The following MCM9 variants were observed in gnomAD, a reference collection of about 807,000 sequenced individuals.
MCM9 encodes minichromosome maintenance 9 homologous recombination repair factor, also known as DNA helicase MCM9.
Under a neutral mutation model 72.8 loss-of-function variants are expected in MCM9, and 55 were observed. That is an observed-to-expected ratio of 0.76 (90% CI 0.61 to 0.95). The LOEUF (loss-of-function observed/expected upper bound fraction) is 0.95. MCM9 is among the 40% of genes least tolerant of loss of function. The pLI, the probability that MCM9 is intolerant of heterozygous loss-of-function variation, is 0.00. For missense variants in MCM9, 1,279 were observed against 1,377.0 expected, an observed-to-expected ratio of 0.93 and a Z score of 1.13; for synonymous variants, 480 against 503.4, an observed-to-expected ratio of 0.95 and a Z score of 0.62.
chr6:118,894,585 G>C (rs1042490786), intron 8 of MCM9: 32 of 1,380,048 alleles, frequency 2.3e-5, no homozygotes, highest in Admixed American at 5.9e-5. Flanking sequence ...AAAGTTTCCC[G>C]GGCCGGGCCT....
chr6:118,874,098 T>C (rs1777785873), intron 8 of MCM9, among the ~76,000 whole-genome samples: 1 of 151,732 alleles, frequency 6.6e-6, no homozygotes, highest in Non-Finnish European at 1.5e-5. Context: ...CTACAAAAAA[T>C]ACAAAAATTA....
chr6:118,843,438 C>A (rs893767579), intron 9 of MCM9, among the ~76,000 whole-genome samples: 1 of 150,794 alleles, frequency 6.6e-6, no homozygotes, highest in Non-Finnish European at 1.5e-5. Flanking sequence ...AGACCAGCCT[C>A]ACCAACATGG....
At chr6:118,897,968 G>A (rs912443531) in intron 8 of MCM9, among the ~76,000 whole-genome samples, 12 of 152,158 alleles carry the variant, frequency 7.9e-5, no homozygotes, top group African/African-American at 2.9e-4. Context: ...TCTTGTTAAG[G>A]CTAGATTCTC....
At chr6:118,817,733 G>A (rs1335934155) in intron 13 of MCM9, among the ~76,000 whole-genome samples, 1 of 152,156 alleles carries the variant, frequency 6.6e-6, no homozygotes, top group Non-Finnish European at 1.5e-5. Flanking sequence ...CACAATGGCT[G>A]AACTAATTTA....
At chr6:118,884,491 G>A (rs764672106) in intron 8 of MCM9, among the ~76,000 whole-genome samples, 15 of 151,670 alleles carry the variant, frequency 9.9e-5, no homozygotes, top group Non-Finnish European at 7.4e-5. Context: ...ACAAAGGAAA[G>A]CAGTAAAAAA....
At chr6:118,925,888 T>C (rs1433468311) in intron 3 of MCM9, among the ~76,000 whole-genome samples, 2 of 151,986 alleles carry the variant, frequency 1.3e-5, no homozygotes, top group East Asian at 1.9e-4. Context: ...TTTATTTTGC[T>C]CCCTACATGA....
Position 118,813,757 on chromosome 6 carries a change from T to G in MCM9, c.*1067A>C, listed in dbSNP as rs1330388061. The G allele has an allele frequency of 6.6e-6, 1 of 152,218 alleles. No homozygotes were observed. The highest frequency in any genetic ancestry group is 1.5e-5 in the Non-Finnish European group (1 of 68,044). The allele number at this position is 152,218 out of a possible 1,614,324, so 9.4% of individuals were successfully genotyped here. A position where few individuals can be genotyped will look rare whatever the true frequency, so the allele number is the denominator to read the frequency against. On this transcript the variant is annotated 3_prime_UTR_variant, in exon 14 of 14. Coordinates refer to ENST00000619706, the MANE Select transcript of MCM9 (RefSeq NM_017696.3). ...AGACAAAGCTTGAGGTTATCTATTCTGACCAAAAACAGTATATAATTTCCT... is the reference window on the plus strand; with the variant it reads ...AGACAAAGCTTGAGGTTATCTATTCGGACCAAAAACAGTATATAATTTCCT...
intron 13 of MCM9, among the ~76,000 whole-genome samples, chr6:118,820,476 G>T (rs1773724084): frequency 1.3e-5 from 2 of 152,138 alleles, no homozygotes; most frequent in Non-Finnish European, 2.9e-5. Flanking sequence ...ATTGCACTGT[G>T]GTCTGAGAAA....
intron 13 of MCM9, among the ~76,000 whole-genome samples, chr6:118,819,895 A>T (rs1773676430): frequency 6.6e-6 from 1 of 152,190 alleles, no homozygotes; most frequent in Admixed American, 6.5e-5. Flanking sequence ...TAGATTTTCT[A>T]ACTTATCTGC....
chr6:118,865,190 T>A (rs919290348), intron 8 of MCM9, among the ~76,000 whole-genome samples: 4 of 152,058 alleles, frequency 2.6e-5, no homozygotes. Context: ...ACAAAGTATA[T>A]GTGAGTCTAT....
intron 8 of MCM9, among the ~76,000 whole-genome samples, chr6:118,899,710 A>G (rs1170207426): frequency 6.6e-6 from 1 of 152,216 alleles, no homozygotes; most frequent in Non-Finnish European, 1.5e-5. Flanking sequence ...GCAGTACGTT[A>G]CTATTTCTAT....
At chr6:118,833,204 G>A (rs557636286) in intron 9 of MCM9, among the ~76,000 whole-genome samples, 7 of 152,176 alleles carry the variant, frequency 4.6e-5, no homozygotes, top group Non-Finnish European at 7.4e-5. Flanking sequence ...AACTTCCTTC[G>A]GCAAAGCATT....
At chr6:118,913,141 G>C in intron 7 of MCM9, 154 bp downstream of exon 7, 2 of 814,716 alleles carry the variant, frequency 2.5e-6, no homozygotes, top group South Asian at 2.0e-5. Flanking sequence ...ATATACAGAT[G>C]CTAGACTAAG....
rs189018291 is a variant in MCM9, at chr6:118,850,421, T to C, written c.1325+5950A>G. Among the ~76,000 whole-genome samples the C allele has an allele frequency of 4.4e-3, 661 of 151,950 alleles. 4 individuals carry two copies. The highest frequency in any genetic ancestry group is 8.4e-3 in the Non-Finnish European group (569 of 68,018). ...AAGTATCTTCTGACCCAGGCCTAAGTTGACATACATGAACTCTATTTGAGA... is the reference window on the plus strand; with the variant it reads ...AAGTATCTTCTGACCCAGGCCTAAGCTGACATACATGAACTCTATTTGAGA... On this transcript the variant is annotated intron_variant, in intron 9 of 13. Coordinates refer to ENST00000619706, the MANE Select transcript of MCM9 (RefSeq NM_017696.3).
At position 118,827,911 on chromosome 6, in the gene MCM9, G is replaced by A. The variant is rs1319418012; in HGVS notation, c.1732+16C>T. 10 of 1,548,274 alleles carry A rather than the reference G, an allele frequency of 6.5e-6. No homozygotes were observed. Among genetic ancestry groups the A allele is most frequent in the East Asian group, 2.4e-5 (1 of 40,904 alleles). ...GCAGCATTCAATACAAGCATCATTCGCTGAATGAAATAGACCTTCTGCTAA... is the reference window on the plus strand; with the variant it reads ...GCAGCATTCAATACAAGCATCATTCACTGAATGAAATAGACCTTCTGCTAA... On this transcript the variant is annotated intron_variant, in intron 11 of 13. Coordinates refer to ENST00000619706, the MANE Select transcript of MCM9 (RefSeq NM_017696.3).
At chr6:118,816,559 T>G (rs575196712) in intron 13 of MCM9, among the ~76,000 whole-genome samples, 1 of 152,312 alleles carries the variant, frequency 6.6e-6, no homozygotes, top group South Asian at 2.1e-4. Context: ...TGTCTACATT[T>G]TTAGATCTCT....
chr6:118,830,488 A>T (rs1431192856), intron 9 of MCM9, among the ~76,000 whole-genome samples: 1 of 152,252 alleles, frequency 6.6e-6, no homozygotes, highest in African/African-American at 2.4e-5. Context: ...AAAATTCTGG[A>T]CAGTCCACAT....
In MCM9 at chr6:118,815,317, T is replaced by C. The variant is rs1378415466; in HGVS notation, c.2939A>G (p.Asn980Ser). 1.9e-6 allele frequency: 3 copies of C among 1,550,510 alleles called. No individual in the cohort carries two copies. Among genetic ancestry groups the C allele is most frequent in the Non-Finnish European group, 2.6e-6 (3 of 1,146,938 alleles). The part of the protein sequence containing the change: ...RPGKLTSTPG[N>S]QISSQPQGET... Reference sequence around the variant, plus strand: ...ACCCTGTGGCTGACTGGAGATCTGGTTTCCTGGGGTAGATGTTAACTTTCC... The same window carrying C: ...ACCCTGTGGCTGACTGGAGATCTGGCTTCCTGGGGTAGATGTTAACTTTCC... Residue 980 changes from asparagine to serine, a missense_variant, in exon 14 of 14, where the codon AAC (asparagine) becomes AGC (serine). By Grantham distance (46) the Asn-to-Ser change is conservative. Transcript: ENST00000619706.
rs146495425 is a variant in MCM9, at chr6:118,889,234, T to C, written c.1150+22416A>G. On this transcript the variant is annotated intron_variant, in intron 8 of 13. Transcript: ENST00000619706. The stretch of plus-strand genomic sequence containing the variant: ...ACCAATTAATTACCTATTAGCTCAT[T>C]TGTGAAGCATTTCCCCTCCCTATCC... Among the ~76,000 whole-genome samples the C allele has an allele frequency of 3.9e-5, 6 of 152,316 alleles. No individual in the cohort carries two copies. In the East Asian group the frequency reaches 9.6e-4, roughly 24 times the overall value.
Sources: allele counts gnomAD v4.1 joint callset (sites outside exome capture counted in the v4.1 genomes callset), GRCh38; gene constraint gnomAD v4.1.1; transcripts MANE v1.5; gene names NCBI Gene and HGNC (gene_info 2026-07-23, HGNC 2026-07-21).